The following STAG1 variants were observed in gnomAD, a reference collection of about 807,000 sequenced individuals.
STAG1 encodes STAG1 cohesin complex component, also known as cohesin subunit SA-1.
Under a neutral mutation model 170.9 loss-of-function variants are expected in STAG1, and 26 were observed. The observed-to-expected ratio is 0.15, with a 90% CI of 0.11 to 0.21. The LOEUF (loss-of-function observed/expected upper bound fraction) is 0.21, where lower values mean the gene tolerates loss of function less well. Ranked by LOEUF, STAG1 falls within the 10% of genes least tolerant of loss-of-function variation. The pLI is 1.00. For synonymous variants in STAG1, 514 were observed against 497.7 expected (o/e 1.03, Z -0.44); for missense variants, 964 against 1,509.5 (o/e 0.64, Z 5.99).
At chr3:136,414,501 T>C (rs2087717245) in intron 21 of STAG1, among the ~76,000 whole-genome samples, 1 of 152,222 alleles carries the variant, frequency 6.6e-6, no homozygotes, top group Non-Finnish European at 1.5e-5. Flanking sequence ...TCTAGCTCTC[T>C]TGCTATCTCC....
chr3:136,573,966 G>A (rs1019197472), intron 4 of STAG1, among the ~76,000 whole-genome samples: 2 of 151,544 alleles, frequency 1.3e-5, no homozygotes, highest in Admixed American at 6.6e-5. Flanking sequence ...GTGAGACGCT[G>A]GGTGCAGTGG....
At chr3:136,441,606 A>G (rs781173106) in intron 15 of STAG1, among the ~76,000 whole-genome samples, 33 of 152,132 alleles carry the variant, frequency 2.2e-4, no homozygotes, top group Non-Finnish European at 4.6e-4. Flanking sequence ...AGATAATACA[A>G]ATTAGTATCA....
chr3:136,340,642 ACT>A (rs1307616396), intron 31 of STAG1, 37 bp from the exon 32 acceptor site: 23 of 1,372,472 alleles, frequency 1.7e-5, no homozygotes, highest in Non-Finnish European at 2.1e-5. Flanking sequence ...AGCTCATCAG[ACT>A]CCACCATTTG....
At chr3:136,513,082 A>C (rs1934156636) in intron 7 of STAG1, among the ~76,000 whole-genome samples, 1 of 152,148 alleles carries the variant, frequency 6.6e-6, no homozygotes. Context: ...GTAGTGGCCC[A>C]AGTGGCGGGG....
intron 1 of STAG1, among the ~76,000 whole-genome samples, chr3:136,655,066 C>A (rs1454973202): frequency 6.6e-6 from 1 of 152,140 alleles, no homozygotes; most frequent in African/African-American, 2.4e-5. Flanking sequence ...AAAACTTTCA[C>A]AGCATTAGGT....
At chr3:136,439,435 CACACACAA>C (rs769659148) in intron 15 of STAG1, among the ~76,000 whole-genome samples, 7,181 of 122,906 alleles carry the variant, frequency 0.058, 289 homozygotes, top group South Asian at 0.076. Flanking sequence ...CACACACACA[CACACACAA>C]ACACTGTAAG....
intron 1 of STAG1, among the ~76,000 whole-genome samples, chr3:136,747,330 A>G (rs1438776249): frequency 6.6e-6 from 1 of 151,822 alleles, no homozygotes; most frequent in Non-Finnish European, 1.5e-5. Context: ...ACACCACAGC[A>G]ACTGTCTGAC....
intron 9 of STAG1, among the ~76,000 whole-genome samples, chr3:136,485,187 G>A (rs2089981844): frequency 6.6e-6 from 1 of 152,170 alleles, no homozygotes; most frequent in South Asian, 2.1e-4. Context: ...GCCAGGCACA[G>A]TGGCTCACGC....
At chr3:136,741,422 G>A (rs1295240216) in intron 1 of STAG1, among the ~76,000 whole-genome samples, 1 of 152,188 alleles carries the variant, frequency 6.6e-6, no homozygotes, top group Non-Finnish European at 1.5e-5. Flanking sequence ...ATTAGCATAT[G>A]ATCAATGATT....
At chr3:136,440,015 T>TG (rs1482678210) in intron 15 of STAG1, among the ~76,000 whole-genome samples, 3 of 152,246 alleles carry the variant, frequency 2.0e-5, no homozygotes, top group Non-Finnish European at 4.4e-5. Context: ...AAAATGCACC[T>TG]AGACCACCTT....
intron 6 of STAG1, among the ~76,000 whole-genome samples, chr3:136,525,542 A>T (rs933264273): frequency 6.6e-6 from 1 of 152,096 alleles, no homozygotes; most frequent in Non-Finnish European, 1.5e-5. Context: ...TTTTCAAAAA[A>T]CCAGCTCCTA....
intron 1 of STAG1, among the ~76,000 whole-genome samples, chr3:136,712,798 AAC>A (rs999551086): frequency 3.9e-5 from 6 of 152,338 alleles, no homozygotes; most frequent in Non-Finnish European, 8.8e-5. Flanking sequence ...TGCATTAAAA[AAC>A]ACATATGAGG....
chr3:136,362,275 G>A lies in STAG1; in HGVS notation c.2787+1091C>T, dbSNP rs571882688. Among the ~76,000 whole-genome samples, 526 of 152,002 alleles carry A rather than the reference G, an allele frequency of 3.5e-3. 7 individuals carry two copies. The highest frequency in any genetic ancestry group is 0.014 in the Middle Eastern group (4 of 294). On this transcript the variant is annotated intron_variant, in intron 26 of 33. Transcript: ENST00000383202. Reference sequence around the variant, plus strand: ...CGTCCAGCCTAATGCCTCTTCTCATGTTTACTGGTTTGTAAGATTCTTCCT... The same window carrying A: ...CGTCCAGCCTAATGCCTCTTCTCATATTTACTGGTTTGTAAGATTCTTCCT...
chr3:136,596,191 A>C (rs1418081206), intron 4 of STAG1, among the ~76,000 whole-genome samples: 1 of 152,242 alleles, frequency 6.6e-6, no homozygotes, highest in African/African-American at 2.4e-5. Context: ...AATGCTATCA[A>C]ACAGCATTGC....
intron 3 of STAG1, among the ~76,000 whole-genome samples, chr3:136,615,483 G>GA (rs1179323546): frequency 2.0e-5 from 2 of 98,910 alleles, no homozygotes; most frequent in African/African-American, 3.6e-5. Context: ...TTTTGAATAA[G>GA]AAAAAACATA....
At chr3:136,491,309 T>C (rs1230032145) in intron 9 of STAG1, among the ~76,000 whole-genome samples, 1 of 152,130 alleles carries the variant, frequency 6.6e-6, no homozygotes, top group East Asian at 1.9e-4. Flanking sequence ...GAAACTTCTT[T>C]TTAAAGGACT....
At chr3:136,466,963 T>C (rs1257161897) in intron 12 of STAG1, among the ~76,000 whole-genome samples, 1 of 152,182 alleles carries the variant, frequency 6.6e-6, no homozygotes, top group Non-Finnish European at 1.5e-5. Context: ...TAAGAGATTT[T>C]GTCACCACCA....
intron 14 of STAG1, 140 bp downstream of exon 14, chr3:136,451,893 A>C: frequency 1.7e-6 from 1 of 600,470 alleles, no homozygotes; most frequent in Non-Finnish European, 2.9e-6. Flanking sequence ...TAAAGGACTG[A>C]TTCTATATCA....
rs1934485951 is a variant in STAG1 at position 136,518,300 on chromosome 3, T to C, written c.676+2913A>G. ...TTAAGCAATGTCAAGGAGCATTTTA[T>C]TCCAAAGCCGATAATCATATCTGGC... On this transcript the variant is annotated intron_variant, in intron 7 of 33. Coordinates refer to ENST00000383202, the MANE Select transcript of STAG1 (RefSeq NM_005862.3). 6.1e-6 allele frequency: 4 copies of C among 652,350 alleles called. No individual in the cohort carries two copies. In the South Asian group the frequency reaches 6.8e-5, roughly 11 times the overall value. The allele number at this position is 652,350 out of a possible 1,614,324, so 40.4% of individuals were successfully genotyped here.
Sources: gnomAD v4.1 joint callset for allele counts (sites outside exome capture counted in the v4.1 genomes callset) on GRCh38, gnomAD v4.1.1 for gene constraint, MANE v1.5 for transcripts, NCBI Gene and HGNC (gene_info 2026-07-23, HGNC 2026-07-21) for gene names.